Variants in ARFGAP2 observed in about 807,000 individuals in gnomAD.
ARFGAP2 encodes the protein ADP-ribosylation factor GTPase-activating protein 2.
In ARFGAP2, 45 loss-of-function variants were observed where a neutral mutation model predicts 71.9. That is an observed-to-expected ratio of 0.63 (90% CI 0.49 to 0.80). The LOEUF is 0.80. Ranked by LOEUF, ARFGAP2 falls within the 30% of genes least tolerant of loss-of-function variation. The pLI, the probability that ARFGAP2 is intolerant of heterozygous loss-of-function variation, is 0.00. For synonymous variants in ARFGAP2, 248 were observed against 249.2 expected (o/e 1.00, Z 0.05); for missense variants, 633 against 673.9 (o/e 0.94, Z 0.67).
Position 47,165,509 on chromosome 11 carries a change from G to A in ARFGAP2, c.1546-7C>T. On this transcript the variant is annotated splice_polypyrimidine_tract_variant and splice_region_variant and intron_variant, in intron 15 of 15. Transcript: ENST00000524782. The stretch of plus-strand genomic sequence containing the variant: ...AGTAGGAACCGTAGCGATCCTGGGG[G>A]CGAGGGGGGAGAAAAAAAAAAAAAA... 6.5e-7 allele frequency: 1 copy of A among 1,545,434 alleles called. No homozygotes were observed. The highest frequency in any genetic ancestry group is 8.7e-7 in the Non-Finnish European group (1 of 1,151,726).
At chr11:47,173,543 A>G (rs1952678739) in intron 6 of ARFGAP2, 61 bp from the exon 7 acceptor site, 1 of 1,507,900 alleles carries the variant, frequency 6.6e-7, no homozygotes, top group Non-Finnish European at 8.9e-7. Context: ...CTCCCCTTGA[A>G]AGAAGTGATG....
rs1223398948 is a variant in ARFGAP2, at chr11:47,173,131, A to AG, written c.619+294dup. ...CAGCCCTGCCTCAGAGCCCAGGGAT[A>AG]GGTGTCCAGTCTCATGCTGGCCTCC... On this transcript the variant is annotated intron_variant, in intron 7 of 15. Coordinates refer to ENST00000524782, the MANE Select transcript of ARFGAP2 (RefSeq NM_032389.6). The AG allele has an allele frequency of 1.8e-5, 8 of 452,234 alleles. No homozygotes were observed. The Admixed American group carries it at 2.8e-4, about 16-fold the overall frequency. 28.0% of individuals were successfully genotyped at this position (452,234 alleles called of 1,614,324 possible).
chr11:47,167,035 C>A (rs889686920), intron 12 of ARFGAP2, 149 bp from the exon 13 acceptor site: 2 of 1,070,334 alleles, frequency 1.9e-6, no homozygotes, highest in Admixed American at 4.9e-5. Context: ...GGCCCCTCTC[C>A]CCTGGTGAGG....
chr11:47,173,236 T>C (rs1379090563), intron 7 of ARFGAP2, 190 bp downstream of exon 7: 3 of 716,122 alleles, frequency 4.2e-6, no homozygotes, highest in Non-Finnish European at 7.0e-6. Context: ...GATTCATCAA[T>C]TCAAAGGGCT....
intron 10 of ARFGAP2, among the ~76,000 whole-genome samples, chr11:47,170,323 C>CAAAAAAAAAAAAAAAA (rs34843394): frequency 6.8e-5 from 5 of 73,946 alleles, no homozygotes; most frequent in Non-Finnish European, 1.0e-4. Flanking sequence ...GACTCCATCT[C>CAAAAAAAAAAAAAAAA]AAAAAAAAAA....
chr11:47,170,900 C>T (rs1275848662), intron 10 of ARFGAP2, among the ~76,000 whole-genome samples: 1 of 152,078 alleles, frequency 6.6e-6, no homozygotes, highest in Non-Finnish European at 1.5e-5. Flanking sequence ...GAGCTGAGAT[C>T]ACACCATTAC....
rs780219579 is a variant in ARFGAP2 at position 47,173,958 on chromosome 11, A to C, written c.481-118T>G. ...ATACTCCAAACCCATGAGGAAAGGGACTGGAGGGTAGCAAACAAGATCACA... is the reference window on the plus strand; with the variant it reads ...ATACTCCAAACCCATGAGGAAAGGGCCTGGAGGGTAGCAAACAAGATCACA... On this transcript the variant is annotated intron_variant, in intron 5 of 15. Transcript: ENST00000524782. 5.3e-6 allele frequency: 8 copies of C among 1,516,994 alleles called. No individual in the cohort carries two copies. In the South Asian group the frequency reaches 7.2e-5, roughly 14 times the overall value. The allele number at this position is 1,516,994 out of a possible 1,614,324, so 94.0% of individuals were successfully genotyped here.
intron 13 of ARFGAP2, 66 bp downstream of exon 13, chr11:47,166,694 G>A (rs1232812897): frequency 5.6e-6 from 9 of 1,599,630 alleles, no homozygotes; most frequent in Admixed American, 1.7e-5. Flanking sequence ...GCCCAAAGCA[G>A]CGGCAGGGAG....
chr11:47,175,222 C>T lies in ARFGAP2; in HGVS notation c.356G>A (p.Arg119Gln), dbSNP rs141689929. 2 of 1,614,156 alleles carry T rather than the reference C, an allele frequency of 1.2e-6. No homozygotes were observed. The highest frequency in any genetic ancestry group is 2.2e-5 in the East Asian group (1 of 44,886). ...RAAQMYREKI[R>Q]QLGSAALARH... The stretch of plus-strand genomic sequence containing the variant: ...AGCCAGGGCCGCACTCCCCAGCTGC[C>T]GGATCTTCTCCCGGTACATCTGGGC... Residue 119 changes from arginine to glutamine, a missense_variant, in exon 4 of 16, where the codon CGG becomes CAG. Coordinates refer to ENST00000524782, the MANE Select transcript of ARFGAP2 (RefSeq NM_032389.6).
At position 47,165,518 on chromosome 11, in the gene ARFGAP2, G is replaced by C; in HGVS notation, c.1546-16C>G. ...CGTAGCGATCCTGGGGGCGAGGGGG[G>C]AGAAAAAAAAAAAAAAAGTCAGAGG... is the stretch of plus-strand genomic sequence containing the variant. On this transcript the variant is annotated splice_polypyrimidine_tract_variant and intron_variant, in intron 15 of 15. Transcript: ENST00000524782. The C allele has an allele frequency of 6.6e-7, 1 of 1,507,170 alleles. No individual in the cohort carries two copies. The highest frequency in any genetic ancestry group is 2.2e-5 in the Admixed American group (1 of 46,152). 93.4% of individuals were successfully genotyped at this position (1,507,170 alleles called of 1,614,324 possible). A position where few individuals can be genotyped will look rare whatever the true frequency, so the allele number is the denominator to read the frequency against.
intron 12 of ARFGAP2, 103 bp downstream of exon 12, chr11:47,167,806 T>G: frequency 7.3e-7 from 1 of 1,367,566 alleles, no homozygotes; most frequent in Non-Finnish European, 9.7e-7. Context: ...AACATTCCCA[T>G]CAACACAGAA....
rs542963981 is a variant in ARFGAP2, at chr11:47,174,893, C to T, written c.480+122G>A. ...CCCAGCAGGAACAGTGGACTTCATACGTGGTGTCCAAGACATCACATCAAA... is the reference window on the plus strand; with the variant it reads ...CCCAGCAGGAACAGTGGACTTCATATGTGGTGTCCAAGACATCACATCAAA... On this transcript the variant is annotated intron_variant, in intron 5 of 15. Coordinates refer to ENST00000524782, the MANE Select transcript of ARFGAP2 (RefSeq NM_032389.6). The T allele has an allele frequency of 4.0e-5, 40 of 1,009,352 alleles. No individual in the cohort carries two copies. The East Asian group carries it at 5.0e-4, about 13-fold the overall frequency. 62.5% of individuals were successfully genotyped at this position (1,009,352 alleles called of 1,614,324 possible). A position where few individuals can be genotyped will look rare whatever the true frequency, so the allele number is the denominator to read the frequency against.
intron 10 of ARFGAP2, among the ~76,000 whole-genome samples, chr11:47,170,578 T>C (rs1590952401): frequency 4.6e-5 from 7 of 150,574 alleles, no homozygotes; most frequent in Admixed American, 4.6e-4. Context: ...ACCCAGGAGG[T>C]AGAGATTGCA....
intron 3 of ARFGAP2, 158 bp from the exon 4 acceptor site, chr11:47,175,471 ATTCCTGC>A: frequency 1.6e-6 from 2 of 1,218,308 alleles, no homozygotes; most frequent in Admixed American, 2.0e-5. Flanking sequence ...GTTTCTCGAA[ATTCCTGC>A]AAAAAACACC....
intron 7 of ARFGAP2, chr11:47,173,052 A>G (rs1952663067): frequency 2.7e-6 from 1 of 371,676 alleles, no homozygotes; most frequent in Non-Finnish European, 5.1e-6. Flanking sequence ...TGTCACCTCC[A>G]GCCTTCGGCA....
intron 10 of ARFGAP2, among the ~76,000 whole-genome samples, chr11:47,170,457 C>A (rs1952555536): frequency 6.6e-6 from 1 of 151,428 alleles, no homozygotes; most frequent in African/African-American, 2.4e-5. Flanking sequence ...ATCAGCCTGG[C>A]CAACATGGTG....
At chr11:47,168,306 C>T (rs1288181004) in intron 10 of ARFGAP2, 55 bp from the exon 11 acceptor site, 28 of 1,606,324 alleles carry the variant, frequency 1.7e-5, no homozygotes, top group Admixed American at 1.7e-4. Context: ...TCAGCATCAC[C>T]GCACAAGAGA....
At chr11:47,175,369 G>A (rs796306888) in intron 3 of ARFGAP2, 56 bp from the exon 4 acceptor site, 10 of 1,612,540 alleles carry the variant, frequency 6.2e-6, no homozygotes, top group African/African-American at 2.7e-5. Context: ...AGAAGGAAAC[G>A]TGTTGGCTGT....
At position 47,164,921 on chromosome 11, in the gene ARFGAP2, C is replaced by T. The variant is rs145402984; in HGVS notation, c.*561G>A. 0.016 allele frequency: 2,437 copies of T among 152,852 alleles called. 24 individuals carry two copies. Among genetic ancestry groups the T allele is most frequent in the Middle Eastern group, 0.031 (9 of 294 alleles). 9.5% of individuals were successfully genotyped at this position (152,852 alleles called of 1,614,324 possible). A position where few individuals can be genotyped will look rare whatever the true frequency, so the allele number is the denominator to read the frequency against. ...AGGTAAAGTTTCCAGCCCTTGGTAACGCCCAGACAAAGGTCCTTCCCCTCT... is the reference window on the plus strand; with the variant it reads ...AGGTAAAGTTTCCAGCCCTTGGTAATGCCCAGACAAAGGTCCTTCCCCTCT... On this transcript the variant is annotated 3_prime_UTR_variant, in exon 16 of 16. Transcript: ENST00000524782.
Sources: gnomAD v4.1 joint callset for allele counts (sites outside exome capture counted in the v4.1 genomes callset) on GRCh38, gnomAD v4.1.1 for gene constraint, MANE v1.5 for transcripts, NCBI Gene and HGNC (gene_info 2026-07-23, HGNC 2026-07-21) for gene names.